Variants in ITPK1 observed in about 807,000 individuals in gnomAD.
ITPK1 encodes the protein inositol 1,3,4-trisphosphate 5/6-kinase.
Under a neutral mutation model 45.3 loss-of-function variants are expected in ITPK1, and 21 were observed. That is an observed-to-expected ratio of 0.46 (90% confidence interval 0.33 to 0.67). The LOEUF (loss-of-function observed/expected upper bound fraction) is 0.67. ITPK1 is among the 30% of genes least tolerant of loss of function. ITPK1 has a pLI of 0.02. For missense variants in ITPK1, 474 were observed against 573.5 expected, an observed-to-expected ratio of 0.83 and a Z score of 1.77; for synonymous variants, 258 against 253.6, an observed-to-expected ratio of 1.02 and a Z score of -0.16.
chr14:92,947,742 T>C (rs1887755788), intron 9 of ITPK1, among the ~76,000 whole-genome samples: 1 of 152,110 alleles, frequency 6.6e-6, no homozygotes, highest in Non-Finnish European at 1.5e-5. Context: ...TAGTGAAGTT[T>C]TGGGGGTTGT....
chr14:93,101,375 A>G (rs1327735439), intron 2 of ITPK1, among the ~76,000 whole-genome samples: 1 of 152,216 alleles, frequency 6.6e-6, no homozygotes, highest in Non-Finnish European at 1.5e-5. Context: ...ATACCACCTG[A>G]CACAGGTGAG....
At chr14:92,949,093 CTT>C (rs970241666) in intron 9 of ITPK1, among the ~76,000 whole-genome samples, 3 of 144,382 alleles carry the variant, frequency 2.1e-5, no homozygotes, top group Admixed American at 6.9e-5. Context: ...ACTTTTCTTT[CTT>C]TTTTTTTTTT....
intron 9 of ITPK1, among the ~76,000 whole-genome samples, chr14:92,951,697 G>A (rs1432911658): frequency 6.6e-6 from 1 of 152,134 alleles, no homozygotes; most frequent in Non-Finnish European, 1.5e-5. Flanking sequence ...GTCTGTCCCT[G>A]CAAGCCCAGT....
At chr14:92,986,691 G>A (rs1468922173) in intron 5 of ITPK1, among the ~76,000 whole-genome samples, 1 of 152,126 alleles carries the variant, frequency 6.6e-6, no homozygotes, top group Non-Finnish European at 1.5e-5. Context: ...GTGGGTGGAG[G>A]GGCCTTCTTG....
chr14:93,078,541 A>C (rs1891318656), intron 2 of ITPK1, among the ~76,000 whole-genome samples: 1 of 152,112 alleles, frequency 6.6e-6, no homozygotes, highest in South Asian at 2.1e-4. Context: ...AGGGACCCTC[A>C]GTGTCTCTTA....
chr14:93,019,446 G>A (rs1247586020), intron 3 of ITPK1, among the ~76,000 whole-genome samples: 2 of 152,232 alleles, frequency 1.3e-5, no homozygotes, highest in African/African-American at 4.8e-5. Context: ...GCTGAGCTCT[G>A]GAAACGGGCC....
intron 3 of ITPK1, among the ~76,000 whole-genome samples, chr14:93,047,562 C>T (rs1255414203): frequency 6.6e-6 from 1 of 152,210 alleles, no homozygotes; most frequent in East Asian, 1.9e-4. Context: ...TACAGCGATG[C>T]TCCCACAAGC....
At chr14:93,042,681 CAAAG>C (rs1304598898) in intron 3 of ITPK1, among the ~76,000 whole-genome samples, 1 of 151,992 alleles carries the variant, frequency 6.6e-6, no homozygotes, top group Admixed American at 6.6e-5. Context: ...AACTGGTGGG[CAAAG>C]AAAGGGAGAA....
At chr14:93,095,051 T>C (rs1158210151) in intron 2 of ITPK1, among the ~76,000 whole-genome samples, 1 of 152,200 alleles carries the variant, frequency 6.6e-6, no homozygotes, top group Non-Finnish European at 1.5e-5. Context: ...ACTTGCTCTG[T>C]TCCTCGAGCA....
At position 92,941,560 on chromosome 14, in the gene ITPK1, G is replaced by A. The variant is rs1456603844; in HGVS notation, c.*1C>T. 6.5e-7 allele frequency: 1 copy of A among 1,529,380 alleles called. No individual in the cohort carries two copies. Among genetic ancestry groups the A allele is most frequent in the Non-Finnish European group, 8.8e-7 (1 of 1,142,168 alleles). The allele number at this position is 1,529,380 out of a possible 1,614,324, so 94.7% of individuals were successfully genotyped here. ...TGCCCCTCTGGGTCCCGGCTCCGTG[G>A]CTACTGGGAGGAGGCCTTGGTGGCC... is the stretch of plus-strand genomic sequence containing the variant. On this transcript the variant is annotated 3_prime_UTR_variant, in exon 11 of 11. Transcript: ENST00000267615.
chr14:93,015,773 G>A lies in ITPK1; in HGVS notation c.246+903C>T, dbSNP rs542581909. 4.9e-4 allele frequency among the ~76,000 whole-genome samples: 75 copies of A among 152,356 alleles called. No homozygotes were observed. The Middle Eastern group carries it at 0.014, about 28-fold the overall frequency. ...GGGTGAGAGCCCCAAGGAAGCAAGG[G>A]GGGCCAAGGCGGCTGACCCCGAACA... On this transcript the variant is annotated intron_variant, in intron 4 of 10. Coordinates refer to ENST00000267615, the MANE Select transcript of ITPK1 (RefSeq NM_014216.6).
chr14:93,051,991 AC>A (rs954496857), intron 3 of ITPK1, among the ~76,000 whole-genome samples: 3 of 152,070 alleles, frequency 2.0e-5, no homozygotes, highest in Non-Finnish European at 4.4e-5. Context: ...CACCATCTTC[AC>A]CCTTTTGTAG....
At chr14:93,025,132 G>C (rs1375902428) in intron 3 of ITPK1, among the ~76,000 whole-genome samples, 1 of 152,180 alleles carries the variant, frequency 6.6e-6, no homozygotes, top group Non-Finnish European at 1.5e-5. Context: ...GCGAGAACCT[G>C]TCCAGGGCTG....
At chr14:93,109,962 G>A (rs1046287471) in intron 2 of ITPK1, among the ~76,000 whole-genome samples, 17 of 152,292 alleles carry the variant, frequency 1.1e-4, no homozygotes, top group Admixed American at 2.6e-4. Flanking sequence ...CGACAGCAGC[G>A]GCCGCCGCCA....
At position 93,057,738 on chromosome 14, in the gene ITPK1, C is replaced by T. The variant is rs546433155; in HGVS notation, c.120+18857G>A. ...GGACCCCAGTCTCCTGCGGCCCCAG[C>T]CTGCAGCACAGGCAGCCGTGGCTTC... On this transcript the variant is annotated intron_variant, in intron 3 of 10. Coordinates refer to ENST00000267615, the MANE Select transcript of ITPK1 (RefSeq NM_014216.6). Among the ~76,000 whole-genome samples, 7 of 152,268 alleles carry T rather than the reference C, an allele frequency of 4.6e-5. No individual in the cohort carries two copies. The South Asian group carries it at 1.5e-3, about 32-fold the overall frequency.
intron 3 of ITPK1, among the ~76,000 whole-genome samples, chr14:93,064,140 G>A (rs940802426): frequency 3.3e-5 from 5 of 152,258 alleles, no homozygotes; most frequent in East Asian, 1.9e-4. Flanking sequence ...AAAATTAGCC[G>A]GGCGTGGTGG....
chr14:92,990,763 A>G (rs975685864), intron 5 of ITPK1, among the ~76,000 whole-genome samples: 1 of 152,076 alleles, frequency 6.6e-6, no homozygotes, highest in African/African-American at 2.4e-5. Context: ...CTGCAGGGAG[A>G]CAGACGGCCC....
At chr14:92,943,511 C>T (rs924586173) in intron 10 of ITPK1, among the ~76,000 whole-genome samples, 7 of 152,230 alleles carry the variant, frequency 4.6e-5, no homozygotes, top group African/African-American at 1.7e-4. Context: ...GTAGGTGTCC[C>T]GGGCACGGGC....
At chr14:93,105,826 C>T (rs1420890775) in intron 2 of ITPK1, among the ~76,000 whole-genome samples, 1 of 151,930 alleles carries the variant, frequency 6.6e-6, no homozygotes, top group East Asian at 1.9e-4. Flanking sequence ...GCCTCAGCCT[C>T]CCGAGCAGCT....
Sources: allele counts gnomAD v4.1 joint callset (sites outside exome capture counted in the v4.1 genomes callset), GRCh38; gene constraint gnomAD v4.1.1; transcripts MANE v1.5; gene names NCBI Gene and HGNC (gene_info 2026-07-23, HGNC 2026-07-21).